Variants in RP1 observed in about 807,000 individuals in gnomAD.
RP1 encodes the protein RP1 axonemal microtubule associated.
A neutral mutation model predicts 14.8 loss-of-function variants in RP1; 16 were observed. That is an observed-to-expected ratio of 1.08 (90% confidence interval 0.73 to 1.65). RP1 has a LOEUF of 1.65. Ranked by LOEUF, RP1 falls within the 40% of genes most tolerant of loss-of-function variation. RP1 has a pLI of 0.00. For synonymous variants in RP1, 876 were observed against 883.6 expected (o/e 0.99, Z 0.15); for missense variants, 2,631 against 2,535.0 (o/e 1.04, Z -0.81).
At chr8:54,561,274 A>G (rs1390361914) in intron 1 of RP1, among the ~76,000 whole-genome samples, 1 of 152,210 alleles carries the variant, frequency 6.6e-6, no homozygotes, top group African/African-American at 2.4e-5. Context: ...CCACAAAAAT[A>G]TACCATGAAA....
At chr8:54,731,738 A>G (rs1808799045) in intron 17 of RP1, among the ~76,000 whole-genome samples, 1 of 152,194 alleles carries the variant, frequency 6.6e-6, no homozygotes, top group Admixed American at 6.5e-5. Context: ...CAAACAAACA[A>G]GCTGAACACA....
chr8:54,848,579 A>C (rs1357138743), intron 25 of RP1, among the ~76,000 whole-genome samples: 4 of 152,198 alleles, frequency 2.6e-5, no homozygotes, highest in Admixed American at 6.5e-5. Context: ...AAAATAATGT[A>C]ACATCTGTAT....
chr8:54,758,761 T>G (rs1392512504), intron 21 of RP1, among the ~76,000 whole-genome samples: 1 of 152,182 alleles, frequency 6.6e-6, no homozygotes, highest in African/African-American at 2.4e-5. Context: ...ATTTGCTTAT[T>G]TTTCTCACCA....
chr8:54,699,393 A>G, intron 12 of RP1: 1 of 527,778 alleles, frequency 1.9e-6, no homozygotes, highest in Non-Finnish European at 3.0e-6. Flanking sequence ...TTATTAAGAG[A>G]TTTCAGTATA....
intron 1 of RP1, among the ~76,000 whole-genome samples, chr8:54,598,545 T>C (rs1277456164): frequency 6.6e-6 from 1 of 152,216 alleles, no homozygotes; most frequent in East Asian, 1.9e-4. Context: ...TATTCTTATT[T>C]TTGTTCTTTC....
intron 16 of RP1, among the ~76,000 whole-genome samples, chr8:54,725,303 A>T (rs1430015346): frequency 6.6e-6 from 1 of 152,052 alleles, no homozygotes; most frequent in Non-Finnish European, 1.5e-5. Context: ...TAATGTTTTA[A>T]AGTTCCTTTA....
intron 14 of RP1, among the ~76,000 whole-genome samples, chr8:54,705,362 G>A (rs1181205474): frequency 6.6e-6 from 1 of 152,222 alleles, no homozygotes; most frequent in African/African-American, 2.4e-5. Context: ...TGGAGTCAAG[G>A]CAGAGGTACT....
intron 25 of RP1, among the ~76,000 whole-genome samples, chr8:54,849,103 A>T (rs958800198): frequency 3.3e-5 from 5 of 152,254 alleles, no homozygotes; most frequent in African/African-American, 1.2e-4. Context: ...CAGACCAGTG[A>T]CACTAAGCCA....
At chr8:54,624,638 GT>G in intron 3 of RP1, 31 bp from the exon 4 acceptor site, 1 of 1,610,160 alleles carries the variant, frequency 6.2e-7, no homozygotes. Flanking sequence ...ATATTTTGAT[GT>G]GGGCACCTTT....
At chr8:54,714,567 A>G (rs941439254) in intron 15 of RP1, among the ~76,000 whole-genome samples, 2 of 152,102 alleles carry the variant, frequency 1.3e-5, no homozygotes, top group African/African-American at 4.8e-5. Flanking sequence ...CTATGATTTC[A>G]TCCCTGACCC....
At chr8:54,652,823 G>A (rs1806683194) in exon 5 of RP1, 9 of 1,535,774 alleles carry the variant, frequency 5.9e-6, no homozygotes, top group Non-Finnish European at 7.8e-6. Flanking sequence ...ATTCGTATTG[G>A]TCATACCAAC....
intron 24 of RP1, among the ~76,000 whole-genome samples, chr8:54,794,024 A>C (rs546837329): frequency 1.3e-4 from 20 of 152,066 alleles, no homozygotes; most frequent in African/African-American, 2.6e-4. Flanking sequence ...ACATCTCTAC[A>C]CTTAAAAAAA....
intron 1 of RP1, among the ~76,000 whole-genome samples, chr8:54,609,572 C>A (rs533291668): frequency 6.6e-6 from 1 of 152,196 alleles, no homozygotes; most frequent in African/African-American, 2.4e-5. Flanking sequence ...ATGCCCCCCA[C>A]AAGCCTACTA....
chr8:54,801,078 T>C (rs1255118926), intron 24 of RP1, among the ~76,000 whole-genome samples: 1 of 152,208 alleles, frequency 6.6e-6, no homozygotes, highest in Non-Finnish European at 1.5e-5. Context: ...AAGTCTGTTG[T>C]TGCTATGGTT....
intron 22 of RP1, among the ~76,000 whole-genome samples, chr8:54,759,820 C>A (rs1372803380): frequency 6.6e-6 from 1 of 152,158 alleles, no homozygotes; most frequent in African/African-American, 2.4e-5. Flanking sequence ...CCCTGACTTA[C>A]AAATTGAGTT....
At chr8:54,697,848 C>G (rs991741739) in intron 12 of RP1, among the ~76,000 whole-genome samples, 9 of 152,158 alleles carry the variant, frequency 5.9e-5, no homozygotes, top group Non-Finnish European at 1.3e-4. Context: ...ATGTAGAAAG[C>G]CGAAACTGGA....
intron 27 of RP1, among the ~76,000 whole-genome samples, chr8:54,864,230 T>A (rs1485258192): frequency 6.6e-6 from 1 of 152,112 alleles, no homozygotes; most frequent in East Asian, 1.9e-4. Context: ...AAGGTGTCGA[T>A]AAAAACTTCA....
chr8:54,604,220 C>A (rs915425655), intron 1 of RP1, among the ~76,000 whole-genome samples: 1 of 152,112 alleles, frequency 6.6e-6, no homozygotes, highest in Non-Finnish European at 1.5e-5. Flanking sequence ...CCATCAATAC[C>A]TAATTTATTG....
At chr8:54,845,859 A>G (rs1334422926) in intron 25 of RP1, among the ~76,000 whole-genome samples, 3 of 152,170 alleles carry the variant, frequency 2.0e-5, no homozygotes, top group African/African-American at 7.2e-5. Context: ...TTCAATCGCA[A>G]CATCTTAGAC....
Sources: allele counts gnomAD v4.1 joint callset (sites outside exome capture counted in the v4.1 genomes callset), GRCh38; gene constraint gnomAD v4.1.1; transcripts MANE v1.5; gene names NCBI Gene and HGNC (gene_info 2026-07-23, HGNC 2026-07-21).